Variants in PDE8A observed in about 807,000 individuals in gnomAD.
The protein encoded by PDE8A is phosphodiesterase 8A, also known as high affinity cAMP-specific and IBMX-insensitive 3',5'-cyclic phosphodiesterase 8A.
PDE8A carries 59 observed loss-of-function variants against 105.0 expected under a neutral mutation model. That is an observed-to-expected ratio of 0.56 (90% CI 0.46 to 0.70). The LOEUF is 0.70. Ranked by LOEUF, PDE8A falls within the 30% of genes least tolerant of loss-of-function variation. PDE8A has a pLI of 0.00. For missense variants in PDE8A, 1,014 were observed against 1,045.9 expected, an observed-to-expected ratio of 0.97 and a Z score of 0.42; for synonymous variants, 355 against 371.9, an observed-to-expected ratio of 0.95 and a Z score of 0.52.
Position 84,982,184 on chromosome 15 carries a change from C to T in PDE8A, c.22C>T (p.His8Tyr). 1 of 1,483,562 alleles carries T rather than the reference C, an allele frequency of 6.7e-7. No homozygotes were observed. The highest frequency in any genetic ancestry group is 8.9e-7 in the Non-Finnish European group (1 of 1,126,710). 91.9% of individuals were successfully genotyped at this position (1,483,562 alleles called of 1,614,324 possible). MGCAPSI[H>Y]ISERLVAEDA... is the part of the protein sequence containing the mutation. ...CAGCATGGGCTGTGCCCCGAGCATC[C>T]ACATTTCCGAGCGCCTGGTGGCCGA... is the stretch of plus-strand genomic sequence containing the variant. Residue 8 changes from histidine (H) to tyrosine (Y), a missense_variant, in exon 1 of 22, where the codon CAC becomes TAC. Transcript: ENST00000394553.
At chr15:85,002,485 G>T (rs986895736) in intron 1 of PDE8A, among the ~76,000 whole-genome samples, 2 of 152,214 alleles carry the variant, frequency 1.3e-5, no homozygotes, top group African/African-American at 4.8e-5. Context: ...ATGTGTTCTT[G>T]TTCACCAACC....
At chr15:85,114,565 A>G (rs1399595485) in intron 14 of PDE8A, among the ~76,000 whole-genome samples, 3 of 152,166 alleles carry the variant, frequency 2.0e-5, no homozygotes, top group Admixed American at 6.6e-5. Flanking sequence ...CTCCTTCAGC[A>G]TGTCTGGTGT....
At chr15:85,009,965 TGCAACAC>T (rs1380751533) in intron 1 of PDE8A, among the ~76,000 whole-genome samples, 1 of 152,206 alleles carries the variant, frequency 6.6e-6, no homozygotes, top group Non-Finnish European at 1.5e-5. Flanking sequence ...CATTGCTACA[TGCAACAC>T]CATGCATGAA....
At chr15:85,075,539 T>C (rs556103319) in intron 3 of PDE8A, among the ~76,000 whole-genome samples, 19 of 152,300 alleles carry the variant, frequency 1.2e-4, no homozygotes, top group Admixed American at 7.2e-4. Context: ...GCTTCTTTCA[T>C]GTAAGCACAA....
chr15:85,031,094 A>G (rs1027927605), intron 1 of PDE8A, among the ~76,000 whole-genome samples: 1 of 152,226 alleles, frequency 6.6e-6, no homozygotes, highest in African/African-American at 2.4e-5. Context: ...TACCAACTTC[A>G]TATCCTTCTT....
intron 1 of PDE8A, among the ~76,000 whole-genome samples, chr15:85,009,533 G>A (rs1004618400): frequency 6.6e-6 from 1 of 152,164 alleles, no homozygotes; most frequent in African/African-American, 2.4e-5. Context: ...GTACTCACAA[G>A]GATTTCAGGC....
At chr15:84,996,429 C>T (rs573522215) in intron 1 of PDE8A, among the ~76,000 whole-genome samples, 1 of 152,264 alleles carries the variant, frequency 6.6e-6, no homozygotes, top group East Asian at 1.9e-4. Context: ...ATACTCCTGC[C>T]TTAGCCTCTC....
chr15:85,062,042 A>G (rs1375389767), intron 1 of PDE8A, among the ~76,000 whole-genome samples: 2 of 151,930 alleles, frequency 1.3e-5, no homozygotes, highest in Non-Finnish European at 2.9e-5. Flanking sequence ...TTCTTTTAGC[A>G]TCTTGAAGTT....
intron 1 of PDE8A, among the ~76,000 whole-genome samples, chr15:85,011,850 G>A (rs2080244434): frequency 1.3e-5 from 2 of 151,484 alleles, no homozygotes; most frequent in Non-Finnish European, 2.9e-5. Context: ...AAATTTACAA[G>A]AAAAAAAACA....
intron 3 of PDE8A, among the ~76,000 whole-genome samples, chr15:85,067,438 C>T (rs1344964367): frequency 6.6e-6 from 1 of 152,100 alleles, no homozygotes; most frequent in Non-Finnish European, 1.5e-5. Context: ...TATTAAGGGT[C>T]AAAGTGAAAC....
intron 1 of PDE8A, among the ~76,000 whole-genome samples, chr15:85,056,410 A>T (rs973640485): frequency 6.6e-6 from 1 of 152,152 alleles, no homozygotes; most frequent in Non-Finnish European, 1.5e-5. Context: ...GTGTTTTCCA[A>T]CTTGGTTCCA....
intron 11 of PDE8A, among the ~76,000 whole-genome samples, chr15:85,102,500 G>A (rs1219633875): frequency 6.6e-6 from 1 of 151,490 alleles, no homozygotes; most frequent in African/African-American, 2.4e-5. Context: ...AGTTCACAGG[G>A]GGCTTTTACT....
Position 85,116,037 on chromosome 15 carries a change from C to A in PDE8A, c.1453C>A (p.Pro485Thr), listed in dbSNP as rs1274811737. Residue 485 changes from proline to threonine, a missense_variant, in exon 16 of 22, where the codon CCA (proline) becomes ACA (threonine). Coordinates refer to ENST00000394553, the MANE Select transcript of PDE8A (RefSeq NM_002605.3). ...CACTCCCATCTCCCTTGATGATGTC[C>A]CACCACGGATAGCTCGGGCCATGGA... The part of the protein sequence containing the change: ...IITPISLDDV[P>T]PRIARAMENE... 4 of 1,613,228 alleles carry A rather than the reference C, an allele frequency of 2.5e-6. No individual in the cohort carries two copies. In the African/African-American group the frequency reaches 4.0e-5, roughly 16 times the overall value.
At chr15:85,053,111 G>A (rs1026954363) in intron 1 of PDE8A, among the ~76,000 whole-genome samples, 1 of 152,106 alleles carries the variant, frequency 6.6e-6, no homozygotes, top group Admixed American at 6.6e-5. Context: ...TGTCAGGTTT[G>A]TCAAAGATCA....
At chr15:85,137,408 T>C (rs371616972) in intron 21 of PDE8A, among the ~76,000 whole-genome samples, 1 of 144,774 alleles carries the variant, frequency 6.9e-6, no homozygotes, top group Non-Finnish European at 1.5e-5. Context: ...CTGGTGTATG[T>C]GAAGCATGCG....
At chr15:85,059,369 A>T (rs561824064) in intron 1 of PDE8A, among the ~76,000 whole-genome samples, 2 of 152,188 alleles carry the variant, frequency 1.3e-5, no homozygotes, top group African/African-American at 4.8e-5. Context: ...GTATATGTCT[A>T]TTAGATCTTG....
At chr15:84,982,410 T>G in intron 1 of PDE8A, 62 bp downstream of exon 1, 2 of 1,129,590 alleles carry the variant, frequency 1.8e-6, no homozygotes, top group Non-Finnish European at 2.3e-6. Flanking sequence ...TAAGCAACTT[T>G]CCCGCAGGGG....
intron 1 of PDE8A, among the ~76,000 whole-genome samples, chr15:84,988,262 T>C (rs965209817): frequency 1.3e-5 from 2 of 152,230 alleles, no homozygotes; most frequent in Middle Eastern, 3.2e-3. Flanking sequence ...TAACTAGCTA[T>C]GTTCATTGCA....
chr15:85,051,189 TAAC>T, intron 1 of PDE8A, among the ~76,000 whole-genome samples: 1 of 152,234 alleles, frequency 6.6e-6, no homozygotes, highest in Non-Finnish European at 1.5e-5. Flanking sequence ...TTATTAGTTC[TAAC>T]AGGCTTTTGT....
Sources: gnomAD v4.1 joint callset for allele counts (sites outside exome capture counted in the v4.1 genomes callset) on GRCh38, gnomAD v4.1.1 for gene constraint, MANE v1.5 for transcripts, NCBI Gene and HGNC (gene_info 2026-07-23, HGNC 2026-07-21) for gene names.